Variants in STXBP6 observed in about 807,000 individuals in gnomAD.
STXBP6 encodes syntaxin binding protein 6.
Under a neutral mutation model 26.9 loss-of-function variants are expected in STXBP6, and 21 were observed. The ratio of observed to expected loss-of-function variants is 0.78; its 90% CI spans 0.55 to 1.12. The LOEUF is 1.12. Ranked by LOEUF, STXBP6 falls within the 50% of genes most tolerant of loss-of-function variation. The probability of loss-of-function intolerance (pLI) is 0.00; values close to 1 mark genes in which losing one functional copy is unlikely to be tolerated. For synonymous variants in STXBP6, 97 were observed against 92.6 expected (o/e 1.05, Z -0.27); for missense variants, 232 against 257.9 (o/e 0.90, Z 0.69).
intron 1 of STXBP6, among the ~76,000 whole-genome samples, chr14:25,034,744 A>G (rs10483292): frequency 0.044 from 6,658 of 152,312 alleles, 389 homozygotes; most frequent in African/African-American, 0.13. Flanking sequence ...TGTCCAGCAC[A>G]CTACATATGC....
rs961147320 is a variant in STXBP6 at position 24,968,599 on chromosome 14, C to T, written c.154+6066G>A. Among the ~76,000 whole-genome samples, 6 of 152,062 alleles carry T rather than the reference C, an allele frequency of 3.9e-5. No individual in the cohort carries two copies. The East Asian group carries it at 7.7e-4, about 20-fold the overall frequency. ...AATGTGTAAGTGTTGATATTAACTA[C>T]CTGGATTCTTCTCTACATGACATAC... is the stretch of plus-strand genomic sequence containing the variant. On this transcript the variant is annotated intron_variant, in intron 2 of 5. Transcript: ENST00000323944.
chr14:25,006,659 G>A (rs763380013), intron 1 of STXBP6, among the ~76,000 whole-genome samples: 1 of 152,112 alleles, frequency 6.6e-6, no homozygotes, highest in Non-Finnish European at 1.5e-5. Context: ...ATATATTCAC[G>A]AGGGGTTCAC....
intron 1 of STXBP6, among the ~76,000 whole-genome samples, chr14:24,985,127 T>G (rs1347508667): frequency 2.0e-5 from 3 of 152,232 alleles, no homozygotes; most frequent in Non-Finnish European, 4.4e-5. Flanking sequence ...CTGTTCATCT[T>G]GTGTGTGCAT....
chr14:24,887,944 C>T (rs1048723789), intron 2 of STXBP6, among the ~76,000 whole-genome samples: 59 of 152,204 alleles, frequency 3.9e-4, no homozygotes, highest in Admixed American at 1.3e-3. Context: ...CTATTCTCCA[C>T]TCTATTTTAA....
At chr14:25,028,762 G>T (rs1051121890) in intron 1 of STXBP6, among the ~76,000 whole-genome samples, 1 of 152,114 alleles carries the variant, frequency 6.6e-6, no homozygotes, top group African/African-American at 2.4e-5. Flanking sequence ...TTTTCTAAAA[G>T]GAGTCACCAT....
At chr14:24,813,652 C>T (rs892014869) in intron 5 of STXBP6, among the ~76,000 whole-genome samples, 1 of 152,120 alleles carries the variant, frequency 6.6e-6, no homozygotes, top group South Asian at 2.1e-4. Flanking sequence ...GGTGATTCTC[C>T]GCAGGCAATA....
chr14:24,927,623 C>T (rs568468464), intron 2 of STXBP6, among the ~76,000 whole-genome samples: 3 of 152,166 alleles, frequency 2.0e-5, no homozygotes, highest in African/African-American at 7.2e-5. Flanking sequence ...TCACTTCTGA[C>T]GTTGTCTTTT....
intron 2 of STXBP6, among the ~76,000 whole-genome samples, chr14:24,943,467 C>T (rs1348494676): frequency 6.6e-6 from 1 of 152,216 alleles, no homozygotes; most frequent in Non-Finnish European, 1.5e-5. Flanking sequence ...GGAAACCTAA[C>T]TGATGATTCA....
chr14:24,897,393 G>C (rs1336071626), intron 2 of STXBP6, among the ~76,000 whole-genome samples: 1 of 118,622 alleles, frequency 8.4e-6, no homozygotes, highest in East Asian at 2.5e-4. Context: ...CTGGGCGACA[G>C]AGCGAGACTC....
intron 1 of STXBP6, among the ~76,000 whole-genome samples, chr14:25,022,208 A>G (rs1566568356): frequency 6.6e-6 from 1 of 152,188 alleles, no homozygotes; most frequent in Non-Finnish European, 1.5e-5. Flanking sequence ...GTTAATCGAT[A>G]TGATTAGGGC....
chr14:24,926,567 T>C (rs1217170533), intron 2 of STXBP6, among the ~76,000 whole-genome samples: 1 of 152,206 alleles, frequency 6.6e-6, no homozygotes, highest in African/African-American at 2.4e-5. Context: ...TATCATTGTT[T>C]TGTGCTTGCT....
At chr14:24,830,720 C>G (rs1262867869) in intron 4 of STXBP6, among the ~76,000 whole-genome samples, 1 of 152,054 alleles carries the variant, frequency 6.6e-6, no homozygotes, top group African/African-American at 2.4e-5. Flanking sequence ...GATAAAATTT[C>G]TAAGTCATTA....
chr14:24,812,767 T>C (rs2067858960), intron 5 of STXBP6, 35 bp from the exon 6 acceptor site: 2 of 1,600,770 alleles, frequency 1.2e-6, no homozygotes, highest in African/African-American at 1.3e-5. Flanking sequence ...AGTAAGACTT[T>C]ATTAGCAGGT....
chr14:24,897,958 T>A (rs12879796), intron 2 of STXBP6, among the ~76,000 whole-genome samples: 51,311 of 152,026 alleles, frequency 0.34, 8,776 homozygotes, highest in African/African-American at 0.41. Flanking sequence ...ATAATGCTAC[T>A]GATTGGAAAA....
chr14:24,812,744 G>A lies in STXBP6; in HGVS notation c.610-12C>T. 2 of 1,613,670 alleles carry A rather than the reference G, an allele frequency of 1.2e-6. No individual in the cohort carries two copies. Among genetic ancestry groups the A allele is most frequent in the South Asian group, 2.2e-5 (2 of 91,060 alleles). ...TGCTTCATGGCAAGCTAAGGAGAGA[G>A]AGGAATGAGAAAAGTAAGACTTTAT... On this transcript the variant is annotated splice_polypyrimidine_tract_variant and intron_variant, in intron 5 of 5. Coordinates refer to ENST00000323944, the MANE Select transcript of STXBP6 (RefSeq NM_001394410.1).
At chr14:24,972,541 G>C (rs2073933832) in intron 2 of STXBP6, among the ~76,000 whole-genome samples, 1 of 152,178 alleles carries the variant, frequency 6.6e-6, no homozygotes, top group South Asian at 2.1e-4. Flanking sequence ...TATAAGAAAT[G>C]TCAATGAAAT....
At chr14:24,872,565 C>T (rs2069976448) in intron 2 of STXBP6, among the ~76,000 whole-genome samples, 2 of 152,182 alleles carry the variant, frequency 1.3e-5, no homozygotes, top group Admixed American at 6.5e-5. Flanking sequence ...CAGTGACTAA[C>T]AAAGGCCACT....
At chr14:24,961,451 CA>C (rs35074945) in intron 2 of STXBP6, among the ~76,000 whole-genome samples, 12,570 of 137,122 alleles carry the variant, frequency 0.092, 551 homozygotes, top group South Asian at 0.17. Context: ...GAACTAAAAA[CA>C]AAAAAAAAAA....
intron 2 of STXBP6, among the ~76,000 whole-genome samples, chr14:24,957,084 T>C (rs1285016206): frequency 3.3e-5 from 5 of 152,172 alleles, no homozygotes; most frequent in Non-Finnish European, 5.9e-5. Flanking sequence ...TCTTTGCTAG[T>C]GGTCTTACTT....
Sources: gnomAD v4.1 joint callset for allele counts (sites outside exome capture counted in the v4.1 genomes callset) on GRCh38, gnomAD v4.1.1 for gene constraint, MANE v1.5 for transcripts, NCBI Gene and HGNC (gene_info 2026-07-23, HGNC 2026-07-21) for gene names.